RARB: variants seen among roughly 807,000 people sequenced by gnomAD.
RARB encodes HBV-activated protein.
In RARB, 17 loss-of-function variants were observed where a neutral mutation model predicts 51.9. The ratio of observed to expected loss-of-function variants is 0.33; its 90% confidence interval spans 0.22 to 0.49. The LOEUF is 0.49. Among genes scored for constraint, RARB ranks in the 20% least tolerant of loss-of-function variants. The pLI is 0.99. For synonymous variants in RARB, 215 were observed against 195.4 expected (o/e 1.10, Z -0.84); for missense variants, 369 against 550.8 (o/e 0.67, Z 3.30).
At chr3:25,262,398 A>G (rs1703021407) in intron 5 of RARB, among the ~76,000 whole-genome samples, 1 of 152,226 alleles carries the variant, frequency 6.6e-6, no homozygotes, top group South Asian at 2.1e-4. Context: ...CCACAAATTT[A>G]GTGTCTGAAA....
chr3:25,186,285 G>T (rs535867080), intron 5 of RARB, among the ~76,000 whole-genome samples: 1 of 152,058 alleles, frequency 6.6e-6, no homozygotes, highest in South Asian at 2.1e-4. Flanking sequence ...AAGAATTATG[G>T]CTACAATACC....
intron 5 of RARB, among the ~76,000 whole-genome samples, chr3:25,210,180 A>G (rs554101555): frequency 6.6e-6 from 1 of 152,310 alleles, no homozygotes; most frequent in Admixed American, 6.5e-5. Context: ...TTTGTGAAGT[A>G]ACAAAGCTAG....
chr3:25,470,515 G>T (rs1179525743), intron 2 of RARB, among the ~76,000 whole-genome samples: 2 of 152,172 alleles, frequency 1.3e-5, no homozygotes, highest in Non-Finnish European at 2.9e-5. Flanking sequence ...AGATGAGGAA[G>T]GGGAGAGGAG....
chr3:24,955,330 C>G (rs1472784354), intron 2 of RARB, among the ~76,000 whole-genome samples: 1 of 151,916 alleles, frequency 6.6e-6, no homozygotes, highest in African/African-American at 2.4e-5. Flanking sequence ...CCACTTGTCT[C>G]TTTGCCAGCT....
chr3:25,048,118 A>T (rs2125298215), intron 2 of RARB, among the ~76,000 whole-genome samples: 1 of 152,306 alleles, frequency 6.6e-6, no homozygotes, highest in East Asian at 1.9e-4. Flanking sequence ...GTCCACTATA[A>T]ACCTCTTTTT....
At chr3:24,858,533 T>C (rs544074716) in intron 1 of RARB, 1 of 152,296 alleles carries the variant, frequency 6.6e-6, no homozygotes, top group Admixed American at 6.5e-5. Flanking sequence ...CTTGGTAGTC[T>C]CCTCATTTCA....
chr3:25,077,920 C>G (rs187518053), intron 3 of RARB, among the ~76,000 whole-genome samples: 1 of 152,118 alleles, frequency 6.6e-6, no homozygotes, highest in Admixed American at 6.5e-5. Flanking sequence ...TTCCTTTAAT[C>G]AGGATATCTT....
intron 3 of RARB, among the ~76,000 whole-genome samples, chr3:25,502,806 G>A (rs184009271): frequency 2.0e-5 from 3 of 152,300 alleles, no homozygotes; most frequent in Non-Finnish European, 4.4e-5. Context: ...AGGGAAGTCA[G>A]CTGTAGGACA....
chr3:25,468,781 A>T (rs1314445989), intron 2 of RARB, among the ~76,000 whole-genome samples: 1 of 152,214 alleles, frequency 6.6e-6, no homozygotes, highest in Non-Finnish European at 1.5e-5. Flanking sequence ...TTTCCCAAGA[A>T]GGGACAGTTA....
chr3:24,915,902 A>G (rs1334833286), intron 2 of RARB, among the ~76,000 whole-genome samples: 1 of 152,006 alleles, frequency 6.6e-6, no homozygotes, highest in Non-Finnish European at 1.5e-5. Flanking sequence ...GGAAGGGGAA[A>G]CCTTAGTGCA....
intron 2 of RARB, among the ~76,000 whole-genome samples, chr3:24,991,896 A>G (rs953252800): frequency 1.3e-5 from 2 of 151,708 alleles, no homozygotes; most frequent in Non-Finnish European, 2.9e-5. Context: ...CCCTGCCCCC[A>G]GCATGAGGAC....
At chr3:25,530,318 C>T (rs151037750) in intron 3 of RARB, among the ~76,000 whole-genome samples, 68 of 152,330 alleles carry the variant, frequency 4.5e-4, no homozygotes, top group African/African-American at 1.4e-3. Flanking sequence ...GCCAGTTCTA[C>T]AGGCCAAGGG....
chr3:25,498,902 G>A (rs1697167511), intron 2 of RARB, among the ~76,000 whole-genome samples: 1 of 152,082 alleles, frequency 6.6e-6, no homozygotes, highest in Non-Finnish European at 1.5e-5. Context: ...TATGTTTTTA[G>A]ATGACCACTC....
At chr3:25,401,227 G>A (rs904147726) in intron 5 of RARB, among the ~76,000 whole-genome samples, 1 of 152,136 alleles carries the variant, frequency 6.6e-6, no homozygotes, top group East Asian at 1.9e-4. Flanking sequence ...GTAGACCTGG[G>A]CTGAGAAAGA....
At chr3:24,987,766 A>C (rs1696825908) in intron 2 of RARB, among the ~76,000 whole-genome samples, 1 of 152,218 alleles carries the variant, frequency 6.6e-6, no homozygotes, top group South Asian at 2.1e-4. Flanking sequence ...AGTTTTGGCA[A>C]CACAGACCTC....
intron 5 of RARB, among the ~76,000 whole-genome samples, chr3:25,313,964 G>A (rs1704352231): frequency 6.6e-6 from 1 of 152,000 alleles, no homozygotes; most frequent in African/African-American, 2.4e-5. Context: ...TCAGATACTT[G>A]GGCGGCTGAG....
At chr3:25,083,939 T>A (rs1699057755) in intron 3 of RARB, among the ~76,000 whole-genome samples, 1 of 152,184 alleles carries the variant, frequency 6.6e-6, no homozygotes, top group Admixed American at 6.6e-5. Context: ...GCAATTTTTA[T>A]CCACTCCGAC....
intron 3 of RARB, among the ~76,000 whole-genome samples, chr3:25,517,865 T>C (rs1529673): frequency 0.04 from 6,054 of 152,206 alleles, 424 homozygotes; most frequent in African/African-American, 0.14. Context: ...TTTGAAAATA[T>C]TACGCTAAGT....
At chr3:24,893,557 T>C (rs1021257428) in intron 2 of RARB, among the ~76,000 whole-genome samples, 1 of 152,226 alleles carries the variant, frequency 6.6e-6, no homozygotes, top group Non-Finnish European at 1.5e-5. Context: ...GGTCTTGCTT[T>C]GTTGTCTAGG....
Sources: allele counts gnomAD v4.1 joint callset (sites outside exome capture counted in the v4.1 genomes callset), GRCh38; gene constraint gnomAD v4.1.1; transcripts MANE v1.5; gene names NCBI Gene and HGNC (gene_info 2026-07-23, HGNC 2026-07-21).